Variants in CNTNAP2 observed in about 807,000 individuals in gnomAD.
The protein encoded by CNTNAP2 is contactin associated protein 2.
A neutral mutation model predicts 155.2 loss-of-function variants in CNTNAP2; 98 were observed. The observed-to-expected ratio is 0.63, with a 90% CI of 0.54 to 0.75. The LOEUF is 0.75. CNTNAP2 is among the 30% of genes least tolerant of loss of function. The pLI is 0.00. For missense variants in CNTNAP2, 1,727 were observed against 1,688.1 expected, an observed-to-expected ratio of 1.02 and a Z score of -0.40; for synonymous variants, 651 against 631.2, an observed-to-expected ratio of 1.03 and a Z score of -0.47.
chr7:146,337,301 T>TAA (rs11418259), intron 1 of CNTNAP2, among the ~76,000 whole-genome samples: 13,669 of 134,394 alleles, frequency 0.1, 1,880 homozygotes, highest in African/African-American at 0.31. Flanking sequence ...TGTTCTAACA[T>TAA]AAAAAAAAAA....
chr7:146,627,886 G>T (rs531071504), intron 1 of CNTNAP2, among the ~76,000 whole-genome samples: 1 of 152,048 alleles, frequency 6.6e-6, no homozygotes, highest in Non-Finnish European at 1.5e-5. Flanking sequence ...ATATAACTCA[G>T]TTGGTTTTAA....
At chr7:147,268,367 A>G (rs1239271514) in intron 8 of CNTNAP2, among the ~76,000 whole-genome samples, 6 of 152,178 alleles carry the variant, frequency 3.9e-5, no homozygotes, top group African/African-American at 1.4e-4. Flanking sequence ...TGTCCTTTGC[A>G]GGAACATGGA....
At chr7:147,441,048 AC>A (rs1437154948) in intron 10 of CNTNAP2, among the ~76,000 whole-genome samples, 6 of 151,642 alleles carry the variant, frequency 4.0e-5, no homozygotes, top group Admixed American at 2.0e-4. Flanking sequence ...CTTTGAATAA[AC>A]CCTCTACCCC....
chr7:146,736,095 T>C (rs1282762214), intron 1 of CNTNAP2, among the ~76,000 whole-genome samples: 1 of 152,116 alleles, frequency 6.6e-6, no homozygotes, highest in Non-Finnish European at 1.5e-5. Flanking sequence ...AAGAATACAA[T>C]ATAACAATTA....
intron 11 of CNTNAP2, among the ~76,000 whole-genome samples, chr7:147,528,972 G>A (rs1026151795): frequency 6.6e-6 from 1 of 152,080 alleles, no homozygotes; most frequent in Non-Finnish European, 1.5e-5. Flanking sequence ...CAGACCATGG[G>A]GATGAAACCA....
intron 12 of CNTNAP2, among the ~76,000 whole-genome samples, chr7:147,597,257 C>T (rs141386061): frequency 5.3e-4 from 80 of 152,232 alleles, no homozygotes; most frequent in African/African-American, 1.5e-3. Flanking sequence ...TTTCCAGTAA[C>T]ATTTGTACCA....
At chr7:146,613,453 T>C (rs1228063751) in intron 1 of CNTNAP2, among the ~76,000 whole-genome samples, 1 of 152,232 alleles carries the variant, frequency 6.6e-6, no homozygotes, top group Non-Finnish European at 1.5e-5. Context: ...CCAACATTCC[T>C]ATAGAAATAT....
chr7:146,700,172 G>A (rs546963962), intron 1 of CNTNAP2, among the ~76,000 whole-genome samples: 12 of 151,966 alleles, frequency 7.9e-5, no homozygotes, highest in East Asian at 1.9e-4. Flanking sequence ...GTCAACACCC[G>A]GTGTCCAGTC....
rs546454704 is a variant in CNTNAP2 at position 148,001,145 on chromosome 7, C to T, written c.2383+23156C>T. Among the ~76,000 whole-genome samples the T allele has an allele frequency of 6.6e-5, 10 of 152,324 alleles. No homozygotes were observed. The East Asian group carries it at 1.4e-3, about 21-fold the overall frequency. ...TACCCAGTTTCCAAATTAGGTCACA[C>T]TCTGAGGTTCTGGGTGGACATGAAT... On this transcript the variant is annotated intron_variant, in intron 15 of 23. Transcript: ENST00000361727.
chr7:147,918,578 A>G (rs1000291874), intron 14 of CNTNAP2, among the ~76,000 whole-genome samples: 1 of 152,244 alleles, frequency 6.6e-6, no homozygotes, highest in African/African-American at 2.4e-5. Flanking sequence ...GTGATGTATA[A>G]TGACTTTATT....
intron 1 of CNTNAP2, among the ~76,000 whole-genome samples, chr7:146,150,646 G>C (rs1317707309): frequency 6.6e-6 from 1 of 151,644 alleles, no homozygotes; most frequent in East Asian, 1.9e-4. Flanking sequence ...TTCTGATTTT[G>C]ATTCTATAAT....
intron 15 of CNTNAP2, among the ~76,000 whole-genome samples, chr7:148,070,595 G>T (rs1338621332): frequency 1.1e-4 from 17 of 152,120 alleles, no homozygotes; most frequent in Admixed American, 1.1e-3. Flanking sequence ...TGCACACCTG[G>T]TAGTCCCAGC....
At chr7:146,449,332 T>C (rs779348100) in intron 1 of CNTNAP2, among the ~76,000 whole-genome samples, 1 of 152,136 alleles carries the variant, frequency 6.6e-6, no homozygotes, top group African/African-American at 2.4e-5. Flanking sequence ...TATTTTTCTA[T>C]TATATTATGT....
intron 14 of CNTNAP2, among the ~76,000 whole-genome samples, chr7:147,953,843 G>A (rs1158017824): frequency 6.6e-6 from 1 of 152,068 alleles, no homozygotes; most frequent in African/African-American, 2.4e-5. Flanking sequence ...TTCTCTCTGT[G>A]TTTTCTGTGT....
At chr7:147,532,087 A>C (rs148559096) in intron 11 of CNTNAP2, among the ~76,000 whole-genome samples, 1 of 152,124 alleles carries the variant, frequency 6.6e-6, no homozygotes, top group Admixed American at 6.5e-5. Context: ...GATTACAGGC[A>C]TGAGCCACCA....
chr7:147,369,619 C>G (rs184247214), intron 9 of CNTNAP2, among the ~76,000 whole-genome samples: 1 of 152,288 alleles, frequency 6.6e-6, no homozygotes, highest in East Asian at 1.9e-4. Context: ...GTCAAAATTA[C>G]TCACCTCTGC....
chr7:146,426,285 C>G (rs1472201846), intron 1 of CNTNAP2, among the ~76,000 whole-genome samples: 1 of 149,890 alleles, frequency 6.7e-6, no homozygotes, highest in East Asian at 2.0e-4. Flanking sequence ...CATTCAAGCA[C>G]TAGCACCATG....
intron 10 of CNTNAP2, among the ~76,000 whole-genome samples, chr7:147,457,111 A>G (rs1343813452): frequency 2.0e-5 from 3 of 152,118 alleles, no homozygotes; most frequent in African/African-American, 7.2e-5. Context: ...TTGTTCTCAT[A>G]TGTCTATTCC....
At chr7:147,026,912 TAAA>T (rs35008433) in intron 3 of CNTNAP2, among the ~76,000 whole-genome samples, 12 of 122,344 alleles carry the variant, frequency 9.8e-5, no homozygotes, top group Non-Finnish European at 1.7e-4. Context: ...GTCTCAGTGC[TAAA>T]AAAAAAAAAA....
Sources: gnomAD v4.1 joint callset for allele counts (sites outside exome capture counted in the v4.1 genomes callset) on GRCh38, gnomAD v4.1.1 for gene constraint, MANE v1.5 for transcripts, NCBI Gene and HGNC (gene_info 2026-07-23, HGNC 2026-07-21) for gene names.